Variants in LRWD1 observed in about 807,000 individuals in gnomAD.
The protein encoded by LRWD1 is leucine rich repeats and WD repeat domain containing 1, also known as leucine-rich repeat and WD repeat-containing protein 1.
Under a neutral mutation model 75.6 loss-of-function variants are expected in LRWD1, and 76 were observed. The observed-to-expected ratio is 1.01, with a 90% CI of 0.84 to 1.22. The LOEUF (loss-of-function observed/expected upper bound fraction) is 1.22. Ranked by LOEUF, LRWD1 falls within the 50% of genes most tolerant of loss-of-function variation. The probability of loss-of-function intolerance (pLI) is 0.00; values close to 1 mark genes in which losing one functional copy is unlikely to be tolerated. For synonymous variants in LRWD1, 487 were observed against 377.0 expected, an observed-to-expected ratio of 1.29 and a Z score of -3.38; for missense variants, 917 against 862.0, an observed-to-expected ratio of 1.06 and a Z score of -0.80.
rs756118406 is a variant in LRWD1, at chr7:102,468,578, C to T, written c.944C>T (p.Thr315Met). ...GGGGCCACATCCCAGACCGTGGCCA[C>T]GTGCGGCGGGGAGGCTGTGTGCGTA... ...EEGATSQTVA[T>M]CGGEAVCVID... Residue 315 changes from threonine (T) to methionine (M), a missense_variant, in exon 8 of 15, where the codon ACG becomes ATG. Transcript: ENST00000292616. 1.3e-6 allele frequency: 2 copies of T among 1,577,886 alleles called. No homozygotes were observed. The highest frequency in any genetic ancestry group is 1.7e-6 in the Non-Finnish European group (2 of 1,161,790).
chr7:102,467,171 G>GTGTGTGTAT (rs1554579596), intron 3 of LRWD1, among the ~76,000 whole-genome samples, 168 bp from the exon 4 acceptor site: 1 of 99,116 alleles, frequency 1.0e-5, no homozygotes, highest in Non-Finnish European at 1.9e-5. Flanking sequence ...GTGTGTGTGG[G>GTGTGTGTAT]GTGTGTGTGT....
chr7:102,469,774 C>G lies in LRWD1; in HGVS notation c.1334C>G (p.Pro445Arg). 1 of 1,610,004 alleles carries G rather than the reference C, an allele frequency of 6.2e-7. No homozygotes were observed. The highest frequency in any genetic ancestry group is 1.1e-5 in the South Asian group (1 of 90,704). Residue 445 changes from proline (P) to arginine (R), a missense_variant, in exon 11 of 15, where the codon CCC becomes CGC. Pro to Arg is a moderately radical substitution (Grantham distance 103, BLOSUM62 -2). Coordinates refer to ENST00000292616, the MANE Select transcript of LRWD1 (RefSeq NM_152892.3). ...CTCACACTGGACACCACCTCTATCC[C>G]CCTGCGCCTCTGCCCTGTCGCCTCC... ...QLLTLDTTSIPLRLCPVASCP... is the reference protein window; with the variant it reads ...QLLTLDTTSIRLRLCPVASCP...
intron 4 of LRWD1, 26 bp downstream of exon 4, chr7:102,467,505 G>A (rs1383806045): frequency 6.2e-7 from 1 of 1,608,882 alleles, no homozygotes; most frequent in South Asian, 1.1e-5. Flanking sequence ...AATGTGCAGG[G>A]AGTCACTGGC....
In LRWD1 at chr7:102,472,212, C is replaced by T; in HGVS notation, c.1443-6C>T. The T allele has an allele frequency of 6.3e-7, 1 of 1,585,540 alleles. No individual in the cohort carries two copies. The highest frequency in any genetic ancestry group is 1.1e-5 in the South Asian group (1 of 87,290). On this transcript the variant is annotated splice_region_variant and splice_polypyrimidine_tract_variant and intron_variant, in intron 11 of 14. Coordinates refer to ENST00000292616, the MANE Select transcript of LRWD1 (RefSeq NM_152892.3). ...TGGCCAACTAGCATCTCGTGCTGCC[C>T]CACAGGGTGTGTGAAGTGGAATTCG...
chr7:102,471,909 TCA>T (rs1798202814), intron 11 of LRWD1: 4 of 344,186 alleles, frequency 1.2e-5, no homozygotes, highest in Non-Finnish European at 2.2e-5. Flanking sequence ...CCTGTTCATC[TCA>T]CACTCGGTCC....
At chr7:102,467,156 C>CGGGGGTGTG (rs1798018334) in intron 3 of LRWD1, among the ~76,000 whole-genome samples, 183 bp from the exon 4 acceptor site, 1 of 44,516 alleles carries the variant, frequency 2.2e-5, no homozygotes, top group Non-Finnish European at 5.4e-5. Flanking sequence ...TGGGTTGTTG[C>CGGGGGTGTG]TGGGGTGTGT....
chr7:102,466,036 C>T lies in LRWD1; in HGVS notation c.300C>T (p.Gly100=), dbSNP rs138888097. The T allele has an allele frequency of 6.2e-7, 1 of 1,613,958 alleles. No homozygotes were observed. The highest frequency in any genetic ancestry group is 1.7e-5 in the Admixed American group (1 of 59,998). The change falls in exon 2 of 15, where the codon GGC becomes GGT. Residue 100 remains glycine (G), a synonymous_variant. Coordinates refer to ENST00000292616, the MANE Select transcript of LRWD1 (RefSeq NM_152892.3). The stretch of plus-strand genomic sequence containing the variant: ...AGCTCGAGGAACTCAGCCTGGAGGG[C>T]AACCCCTTCCTGACGGTAAGTGGGA... ...FPKLEELSLE[G]NPFLTVNDNL... is the part of the protein sequence containing the mutation.
At position 102,467,752 on chromosome 7, in the gene LRWD1, A is replaced by G; in HGVS notation, c.607A>G (p.Ser203Gly). 1 of 1,551,894 alleles carries G rather than the reference A, an allele frequency of 6.4e-7. No individual in the cohort carries two copies. Among genetic ancestry groups the G allele is most frequent in the Non-Finnish European group, 8.7e-7 (1 of 1,147,228 alleles). The change falls in exon 5 of 15, where the codon AGT becomes GGT. Residue 203 changes from serine (S) to glycine (G), a missense_variant. By Grantham distance (56) the Ser-to-Gly change is moderately conservative. Coordinates refer to ENST00000292616, the MANE Select transcript of LRWD1 (RefSeq NM_152892.3). Reference protein sequence around the residue: ...RMISEELVAASRTQVQKANSP... With the variant: ...RMISEELVAAGRTQVQKANSP... ...GATCTCTGAGGAGCTGGTGGCCGCC[A>G]GTAGGACCCAGGTGCAAAAGGCTAA... is the stretch of plus-strand genomic sequence containing the variant.
At position 102,472,579 on chromosome 7, in the gene LRWD1, T is replaced by C. The variant is rs1233585133; in HGVS notation, c.1660T>C (p.Leu554=). Residue 554 remains leucine, a synonymous_variant, in exon 13 of 15, where the codon TTG becomes CTG. Coordinates refer to ENST00000292616, the MANE Select transcript of LRWD1 (RefSeq NM_152892.3). ...LARLQWSSTE[L]AYFSLSACPD... is the part of the protein sequence containing the mutation. ...GCGGCTGCAATGGTCGTCCACCGAG[T>C]TGGCCTACTTCTCGCTCAGCGCCTG... The C allele has an allele frequency of 1.2e-6, 2 of 1,608,268 alleles. No homozygotes were observed. The highest frequency in any genetic ancestry group is 1.7e-5 in the Admixed American group (1 of 59,648).
In LRWD1 at chr7:102,468,579, G is replaced by T. The variant is rs145931791; in HGVS notation, c.945G>T (p.Thr315=). ...EEGATSQTVA[T]CGGEAVCVID... ...GGGCCACATCCCAGACCGTGGCCACGTGCGGCGGGGAGGCTGTGTGCGTAA... is the reference window on the plus strand; with the variant it reads ...GGGCCACATCCCAGACCGTGGCCACTTGCGGCGGGGAGGCTGTGTGCGTAA... Residue 315 remains threonine, a synonymous_variant, in exon 8 of 15, where the codon ACG becomes ACT. Transcript: ENST00000292616. 16 of 1,577,010 alleles carry T rather than the reference G, an allele frequency of 1.0e-5. No homozygotes were observed. Among genetic ancestry groups the T allele is most frequent in the East Asian group, 9.4e-5 (4 of 42,716 alleles).
chr7:102,472,167 A>G, intron 11 of LRWD1, 51 bp from the exon 12 acceptor site: 1 of 1,520,342 alleles, frequency 6.6e-7, no homozygotes, highest in African/African-American at 1.4e-5. Context: ...GTGAGTGGGC[A>G]GCTCTCTATC....
At chr7:102,465,707 T>G (rs1277940891) in intron 1 of LRWD1, 110 bp from the exon 2 acceptor site, 2 of 761,982 alleles carry the variant, frequency 2.6e-6, no homozygotes, top group Non-Finnish European at 4.4e-6. Flanking sequence ...GCGGGGCGGC[T>G]ACACTTGTAC....
rs1798126267 is a variant in LRWD1 at position 102,469,643 on chromosome 7, CCAGGTGATGCTT to C, written c.1300_1301+10del. On this transcript the variant is annotated splice_donor_variant and splice_donor_5th_base_variant and coding_sequence_variant and intron_variant, in exon 10 of 15. Transcript: ENST00000292616. LOFTEE classifies it high-confidence loss of function. ...CCCAACCAGGACTACGAATTCCAGGCCAGGTGATGCTTCGGGTGAGGCTGGGGAGTGGCCAGC... is the reference window on the plus strand; with the variant it reads ...CCCAACCAGGACTACGAATTCCAGGCCGGGTGAGGCTGGGGAGTGGCCAGC... 6.2e-7 allele frequency: 1 copy of C among 1,614,074 alleles called. No homozygotes were observed. The highest frequency in any genetic ancestry group is 8.5e-7 in the Non-Finnish European group (1 of 1,180,010).
Position 102,472,817 on chromosome 7 carries a change from T to G in LRWD1, c.1803+13T>G, listed in dbSNP as rs760712748. 5.6e-6 allele frequency: 9 copies of G among 1,613,022 alleles called. No individual in the cohort carries two copies. The Admixed American group carries it at 1.5e-4, about 27-fold the overall frequency. ...GGCCCCCACACAGGTACTGCCCGGC[T>G]CACCCTGCCCAGGCTTGGGCTGGCA... On this transcript the variant is annotated intron_variant, in intron 14 of 14. Coordinates refer to ENST00000292616, the MANE Select transcript of LRWD1 (RefSeq NM_152892.3).
Position 102,468,256 on chromosome 7 carries a change from C to G in LRWD1, c.805-7C>G, listed in dbSNP as rs761881802. On this transcript the variant is annotated splice_region_variant and splice_polypyrimidine_tract_variant and intron_variant, in intron 6 of 14. Transcript: ENST00000292616. ...TGGGCAGCTGTGACCCTTCTCTCCC[C>G]CCACAGCCTGCTGTGAAGCTGGAGC... 6 of 1,605,132 alleles carry G rather than the reference C, an allele frequency of 3.7e-6. No individual in the cohort carries two copies. The East Asian group carries it at 1.1e-4, about 30-fold the overall frequency.
In LRWD1 at chr7:102,472,879, C is replaced by T. The variant is rs747252032; in HGVS notation, c.1804-30C>T. On this transcript the variant is annotated intron_variant, in intron 14 of 14. Coordinates refer to ENST00000292616, the MANE Select transcript of LRWD1 (RefSeq NM_152892.3). Reference sequence around the variant, plus strand: ...GCCCTGCCTTTGGTCAGCAGGAGCCCAGCCCAGCCCTCCCCTCTCTCCCCA... The same window carrying T: ...GCCCTGCCTTTGGTCAGCAGGAGCCTAGCCCAGCCCTCCCCTCTCTCCCCA... 8.1e-6 allele frequency: 13 copies of T among 1,611,722 alleles called. No homozygotes were observed. In the South Asian group the frequency reaches 1.4e-4, roughly 18 times the overall value.
At chr7:102,467,625 A>G (rs1798052028) in intron 4 of LRWD1, 94 bp from the exon 5 acceptor site, 1 of 1,505,456 alleles carries the variant, frequency 6.6e-7, no homozygotes, top group Non-Finnish European at 9.0e-7. Context: ...CCCTTCCCCA[A>G]CTCTGGAAGC....
rs757696550 is a variant in LRWD1, at chr7:102,466,158, A to T, written c.320A>T (p.Asn107Ile). Residue 107 changes from asparagine to isoleucine, a missense_variant, in exon 3 of 15, where the codon AAT becomes ATT. Asn to Ile is a moderately radical substitution (Grantham distance 149, BLOSUM62 -3). Coordinates refer to ENST00000292616, the MANE Select transcript of LRWD1 (RefSeq NM_152892.3). ...SLEGNPFLTV[N>I]DNLKVSFLLP... is the part of the protein sequence containing the mutation. ...TCTTCACCCTCTCTTCCCCAGGTCAATGACAACCTGAAAGTCTCCTTTCTC... is the reference window on the plus strand; with the variant it reads ...TCTTCACCCTCTCTTCCCCAGGTCATTGACAACCTGAAAGTCTCCTTTCTC... 6.2e-7 allele frequency: 1 copy of T among 1,614,098 alleles called. No individual in the cohort carries two copies. Among genetic ancestry groups the T allele is most frequent in the East Asian group, 2.2e-5 (1 of 44,888 alleles).
At position 102,466,225 on chromosome 7, in the gene LRWD1, A is replaced by G; in HGVS notation, c.387A>G (p.Ser129=). 3 of 1,614,136 alleles carry G rather than the reference A, an allele frequency of 1.9e-6. No individual in the cohort carries two copies. The highest frequency in any genetic ancestry group is 2.5e-6 in the Non-Finnish European group (3 of 1,180,034). ...AGGTCAATGGCAAGGATGCGTCCTC[A>G]ACTTACTCTCAGGTGGAGAACCTGA... ...LRKVNGKDAS[S]TYSQVENLNR... Residue 129 remains serine (S), a synonymous_variant, in exon 3 of 15, where the codon TCA becomes TCG. Transcript: ENST00000292616.
Sources: allele counts gnomAD v4.1 joint callset (sites outside exome capture counted in the v4.1 genomes callset), GRCh38; gene constraint gnomAD v4.1.1; transcripts MANE v1.5; gene names NCBI Gene and HGNC (gene_info 2026-07-23, HGNC 2026-07-21).